TELO2: variants seen among roughly 807,000 people sequenced by gnomAD.
TELO2 encodes the protein telomere maintenance 2, also known as telomere length regulation protein TEL2 homolog.
Under a neutral mutation model 91.0 loss-of-function variants are expected in TELO2, and 71 were observed. That is an observed-to-expected ratio of 0.78 (90% CI 0.64 to 0.95). The LOEUF (loss-of-function observed/expected upper bound fraction) is 0.95, where lower values mean the gene tolerates loss of function less well. TELO2 is among the 40% of genes least tolerant of loss of function. TELO2 has a pLI of 0.00. For missense variants in TELO2, 1,183 were observed against 1,141.3 expected, an observed-to-expected ratio of 1.04 and a Z score of -0.53; for synonymous variants, 584 against 518.9, an observed-to-expected ratio of 1.13 and a Z score of -1.71.
In TELO2 at chr16:1,494,398, C is replaced by T; in HGVS notation, c.117C>T (p.Leu39=). ...CCCTGGAGTCCCTGAAGCGGTATCT[C>T]GGTGAGATGGAGCCTCCAGCGCTCC... The part of the protein sequence containing the change: ...FCTLESLKRY[L]GEMEPPALPR... Residue 39 remains leucine (L), a synonymous_variant, in exon 2 of 21, where the codon CTC becomes CTT. Coordinates refer to ENST00000262319, the MANE Select transcript of TELO2 (RefSeq NM_016111.4). This position sits in a 1 kb window ranked among gnomAD's most constrained non-coding sequence, Gnocchi z 5.6. The T allele has an allele frequency of 6.2e-7, 1 of 1,613,514 alleles. No individual in the cohort carries two copies. The highest frequency in any genetic ancestry group is 8.5e-7 in the Non-Finnish European group (1 of 1,180,002).
chr16:1,509,221 T>C (rs2040026413), intron 20 of TELO2, among the ~76,000 whole-genome samples: 1 of 152,144 alleles, frequency 6.6e-6, no homozygotes, highest in Non-Finnish European at 1.5e-5. Flanking sequence ...TCCACTCGGC[T>C]GGCGGGGTCC....
At chr16:1,495,139 G>A (rs970550546) in intron 2 of TELO2, among the ~76,000 whole-genome samples, 123 of 152,350 alleles carry the variant, frequency 8.1e-4, no homozygotes, top group African/African-American at 2.8e-3. Context: ...TGGGGAAGCC[G>A]CTCAGGGCCC....
At chr16:1,498,407 T>G (rs2039567304) in intron 5 of TELO2, among the ~76,000 whole-genome samples, 1 of 152,192 alleles carries the variant, frequency 6.6e-6, no homozygotes, top group Non-Finnish European at 1.5e-5. Context: ...GTAATCACAT[T>G]CTATTTTATA....
chr16:1,497,859 G>A lies in TELO2; in HGVS notation c.830+351G>A, dbSNP rs905260039. On this transcript the variant is annotated intron_variant, in intron 5 of 20. Transcript: ENST00000262319. This position sits in a 1 kb window ranked among gnomAD's most constrained non-coding sequence, Gnocchi z 4.0. ...GATGGGCGGTGACTCACTTCCCCAC[G>A]TCTTTGTGCAGGAGAATCAAGGTTG... Among the ~76,000 whole-genome samples, 13 of 152,052 alleles carry A rather than the reference G, an allele frequency of 8.5e-5. No homozygotes were observed. The highest frequency in any genetic ancestry group is 2.0e-4 in the Admixed American group (3 of 15,262).
Position 1,502,162 on chromosome 16 carries a change from G to T in TELO2, c.1561+27G>T, listed in dbSNP as rs756296392. 1.6e-5 allele frequency: 26 copies of T among 1,611,296 alleles called. No homozygotes were observed. The Admixed American group carries it at 4.3e-4, about 27-fold the overall frequency. On this transcript the variant is annotated intron_variant, in intron 12 of 20. Coordinates refer to ENST00000262319, the MANE Select transcript of TELO2 (RefSeq NM_016111.4). ...TGGGCACGGGCCCCTGGAGGGCCTT[G>T]CTGGGCTGGGCATGGGTCCCGCTCA...
chr16:1,502,033 T>C lies in TELO2; in HGVS notation c.1473-14T>C, dbSNP rs2039707091. ...AGGCCATGGGCTGCTCATGTCTGCT[T>C]TGCTCTCCCACAGCGATGATGAGTT... On this transcript the variant is annotated splice_polypyrimidine_tract_variant and intron_variant, in intron 11 of 20. Transcript: ENST00000262319. 5 of 1,613,302 alleles carry C rather than the reference T, an allele frequency of 3.1e-6. No individual in the cohort carries two copies. The highest frequency in any genetic ancestry group is 1.7e-5 in the Admixed American group (1 of 60,024).
rs889504502 is a variant in TELO2, at chr16:1,502,410, T to TG, written c.1653+12dup. ...GCCCCACAGCCACTCGGGAGGTGAG[T>TG]GGGGGGCGGGAGTGGGTGGGGAGGC... On this transcript the variant is annotated splice_region_variant and intron_variant, in intron 13 of 20. Coordinates refer to ENST00000262319, the MANE Select transcript of TELO2 (RefSeq NM_016111.4). 20 of 1,579,486 alleles carry TG rather than the reference T, an allele frequency of 1.3e-5. No homozygotes were observed. In the African/African-American group the frequency reaches 1.9e-4, roughly 15 times the overall value.
At chr16:1,501,575 G>A (rs1349174833) in intron 10 of TELO2, 76 bp downstream of exon 10, 5 of 1,566,658 alleles carry the variant, frequency 3.2e-6, no homozygotes, top group African/African-American at 1.4e-5. Flanking sequence ...GGATGGGAGG[G>A]GGGAAACCCT....
intron 3 of TELO2, among the ~76,000 whole-genome samples, chr16:1,496,652 C>T (rs1289813011): frequency 6.6e-6 from 1 of 152,194 alleles, no homozygotes; most frequent in Non-Finnish European, 1.5e-5. Flanking sequence ...TCCCTGTGGG[C>T]GGCCGTGGTG....
At position 1,507,309 on chromosome 16, in the gene TELO2, G is replaced by T; in HGVS notation, c.2230G>T (p.Ala744Ser). The T allele has an allele frequency of 6.2e-7, 1 of 1,609,142 alleles. No homozygotes were observed. The part of the protein sequence containing the change: ...LMCLAVNTTV[A>S]VAMGKALLEF... ...CTGTCCCTCTGCTGGTGTCCAGGTG[G>T]CTGTGGCCATGGGCAAGGCCCTGCT... The change falls in exon 19 of 21, where the codon GCT becomes TCT. Residue 744 changes from alanine (A) to serine (S), a missense_variant. Ala to Ser is a moderately conservative substitution (Grantham distance 99, BLOSUM62 1). Transcript: ENST00000262319.
rs764124691 is a variant in TELO2, at chr16:1,495,578, G to C, written c.568G>C (p.Glu190Gln). 1.9e-6 allele frequency: 3 copies of C among 1,609,430 alleles called. No individual in the cohort carries two copies. In the East Asian group the frequency reaches 6.7e-5, roughly 36 times the overall value. ...CCAGAACTACTTCCGCCTGCTCGGCGAGGAGGTCGTCCGGGTGCTGCAGGC... is the reference window on the plus strand; with the variant it reads ...CCAGAACTACTTCCGCCTGCTCGGCCAGGAGGTCGTCCGGGTGCTGCAGGC... ...FPQNYFRLLG[E>Q]EVVRVLQAVV... The change falls in exon 3 of 21, where the codon GAG (glutamate) becomes CAG (glutamine). Residue 190 changes from glutamate (E) to glutamine (Q), a missense_variant. Coordinates refer to ENST00000262319, the MANE Select transcript of TELO2 (RefSeq NM_016111.4).
chr16:1,509,956 G>A lies in TELO2; in HGVS notation c.*20G>A, dbSNP rs761087658. The A allele has an allele frequency of 8.9e-5, 139 of 1,566,976 alleles. 1 individual carries two copies. Among genetic ancestry groups the A allele is most frequent in the Non-Finnish European group, 1.1e-4 (131 of 1,155,842 alleles). ...CCCTAGTCCCTGGAGGCCTCCCCAG[G>A]ACCACCCTCGCCGACAGCAAGGCAG... is the stretch of plus-strand genomic sequence containing the variant. On this transcript the variant is annotated 3_prime_UTR_variant, in exon 21 of 21. Coordinates refer to ENST00000262319, the MANE Select transcript of TELO2 (RefSeq NM_016111.4).
rs767048278 is a variant in TELO2, at chr16:1,507,648, G to C, written c.2339G>C (p.Ser780Thr). The change falls in exon 20 of 21, where the codon AGC becomes ACC. Residue 780 changes from serine to threonine, a missense_variant. Ser to Thr is a moderately conservative substitution (Grantham distance 58, BLOSUM62 1). Coordinates refer to ENST00000262319, the MANE Select transcript of TELO2 (RefSeq NM_016111.4). ...LLSAVSSVLL[S>T]LPAARLLEDL... The stretch of plus-strand genomic sequence containing the variant: ...TCGGCCGTCTCCTCCGTCCTGCTCA[G>C]CCTGCCTGCTGCGCGCCTGCTGGAG... 19 of 1,601,154 alleles carry C rather than the reference G, an allele frequency of 1.2e-5. No individual in the cohort carries two copies. The South Asian group carries it at 1.8e-4, about 15-fold the overall frequency.
chr16:1,505,652 G>A lies in TELO2; in HGVS notation c.2034+51G>A. Reference sequence around the variant, plus strand: ...ACGGGCATGGGGACCGTGGGTGGGTGGGAAGGGCGGTCAGACACCTCCAGG... The same window carrying A: ...ACGGGCATGGGGACCGTGGGTGGGTAGGAAGGGCGGTCAGACACCTCCAGG... On this transcript the variant is annotated intron_variant, in intron 16 of 20. Transcript: ENST00000262319. This position sits in a 1 kb window ranked among gnomAD's most constrained non-coding sequence, Gnocchi z 4.3. 2.0e-6 allele frequency: 3 copies of A among 1,475,466 alleles called. No individual in the cohort carries two copies. The highest frequency in any genetic ancestry group is 2.8e-6 in the Non-Finnish European group (3 of 1,078,526). 91.4% of individuals were successfully genotyped at this position (1,475,466 alleles called of 1,614,324 possible). A position where few individuals can be genotyped will look rare whatever the true frequency, so the allele number is the denominator to read the frequency against.
chr16:1,510,293 A>G lies in TELO2; in HGVS notation c.*357A>G. 1 of 314,918 alleles carries G rather than the reference A, an allele frequency of 3.2e-6. No homozygotes were observed. The highest frequency in any genetic ancestry group is 2.2e-5 in the African/African-American group (1 of 46,156). 19.5% of individuals were successfully genotyped at this position (314,918 alleles called of 1,614,324 possible). A position where few individuals can be genotyped will look rare whatever the true frequency, so the allele number is the denominator to read the frequency against. ...CAAGGCTCTCCTCTGAGAGCCACCA[A>G]GCAGGACAGAGCAGCTCTTGTCCCA... On this transcript the variant is annotated 3_prime_UTR_variant, in exon 21 of 21. Transcript: ENST00000262319.
rs766364096 is a variant in TELO2 at position 1,494,388 on chromosome 16, A to G, written c.107A>G (p.Lys36Arg). The G allele has an allele frequency of 1.9e-6, 3 of 1,613,268 alleles. No individual in the cohort carries two copies. The highest frequency in any genetic ancestry group is 2.2e-5 in the East Asian group (1 of 44,850). Residue 36 changes from lysine (K) to arginine (R), a missense_variant, in exon 2 of 21, where the codon AAG becomes AGG. Physicochemically the swap from Lys to Arg is conservative, Grantham distance 26. Transcript: ENST00000262319. This position sits in a 1 kb window ranked among gnomAD's most constrained non-coding sequence, Gnocchi z 5.6. ...GHIFCTLESL[K>R]RYLGEMEPPA... The stretch of plus-strand genomic sequence containing the variant: ...ATCTTCTGCACCCTGGAGTCCCTGA[A>G]GCGGTATCTCGGTGAGATGGAGCCT...
rs746472682 is a variant in TELO2 at position 1,505,562 on chromosome 16, G to A, written c.1995G>A (p.Val665=). The A allele has an allele frequency of 1.2e-6, 2 of 1,612,802 alleles. No individual in the cohort carries two copies. The highest frequency in any genetic ancestry group is 1.7e-6 in the Non-Finnish European group (2 of 1,179,954). Residue 665 remains valine, a synonymous_variant, in exon 16 of 21, where the codon GTG becomes GTA. Coordinates refer to ENST00000262319, the MANE Select transcript of TELO2 (RefSeq NM_016111.4). This position sits in a 1 kb window ranked among gnomAD's most constrained non-coding sequence, Gnocchi z 4.3. ...TGGCGTCTGACTGGCGGGTGGTGGT[G>A]GAGGAGCGGATCAGAAGCAAGACCC... ...SAVASDWRVV[V]EERIRSKTQR... is the part of the protein sequence containing the mutation.
chr16:1,496,975 C>A, intron 3 of TELO2, 61 bp from the exon 4 acceptor site: 1 of 1,552,740 alleles, frequency 6.4e-7, no homozygotes, highest in East Asian at 2.3e-5. Flanking sequence ...TCTCCCCACA[C>A]CTAGATGTTC....
In TELO2 at chr16:1,494,049, G is replaced by T. The variant is rs896495902; in HGVS notation, c.-36-197G>T. On this transcript the variant is annotated intron_variant, in intron 1 of 20. Transcript: ENST00000262319. This position sits in a 1 kb window ranked among gnomAD's most constrained non-coding sequence, Gnocchi z 5.6. ...GCCCGGGTTGAGAAGCCCTGCAGTG[G>T]CTGGTAGCGTTGGGGTCCGAGCGGA... Among the ~76,000 whole-genome samples, 3 of 152,184 alleles carry T rather than the reference G, an allele frequency of 2.0e-5. No individual in the cohort carries two copies. The highest frequency in any genetic ancestry group is 6.5e-5 in the Admixed American group (1 of 15,288).
Sources: allele counts gnomAD v4.1 joint callset (sites outside exome capture counted in the v4.1 genomes callset), GRCh38; gene constraint gnomAD v4.1.1; non-coding constraint Gnocchi (gnomAD v3.1); transcripts MANE v1.5; gene names NCBI Gene and HGNC (gene_info 2026-07-23, HGNC 2026-07-21).